Variants in PSPC1 observed in about 807,000 individuals in gnomAD.
The protein encoded by PSPC1 is paraspeckle component 1, also known as paraspeckle protein 1.
A neutral mutation model predicts 51.6 loss-of-function variants in PSPC1; 14 were observed. That is an observed-to-expected ratio of 0.27 (90% CI 0.18 to 0.42). The LOEUF (loss-of-function observed/expected upper bound fraction) is 0.42. Ranked by LOEUF, PSPC1 falls within the 10% of genes least tolerant of loss-of-function variation. The probability of loss-of-function intolerance (pLI) is 1.00; values close to 1 mark genes in which losing one functional copy is unlikely to be tolerated. For synonymous variants in PSPC1, 193 were observed against 231.9 expected, an observed-to-expected ratio of 0.83 and a Z score of 1.53; for missense variants, 406 against 701.1, an observed-to-expected ratio of 0.58 and a Z score of 4.75.
intron 6 of PSPC1, among the ~76,000 whole-genome samples, chr13:19,695,215 C>G (rs182227686): frequency 6.6e-6 from 1 of 152,170 alleles, no homozygotes; most frequent in Non-Finnish European, 1.5e-5. Context: ...TTTCAGCCAA[C>G]CTAGGGAATA....
chr13:19,758,957 T>TA (rs908599144), intron 3 of PSPC1, among the ~76,000 whole-genome samples: 12 of 151,666 alleles, frequency 7.9e-5, no homozygotes, highest in Non-Finnish European at 1.6e-4. Flanking sequence ...TAGACATTTC[T>TA]AAAAAAAATT....
chr13:19,673,047 C>CTTG (rs1876226969), downstream of PSPC1: 1 of 438,546 alleles, frequency 2.3e-6, no homozygotes, highest in Non-Finnish European at 4.5e-6. Flanking sequence ...AGAATGAGAC[C>CTTG]TTGTCTCAAA....
chr13:19,703,914 T>C (rs1378320111), intron 8 of PSPC1, among the ~76,000 whole-genome samples: 2 of 152,204 alleles, frequency 1.3e-5, no homozygotes, highest in Admixed American at 1.3e-4. Context: ...AAGATTATCA[T>C]GGGAAAATAG....
chr13:19,717,054 C>A (rs897479300), intron 6 of PSPC1, among the ~76,000 whole-genome samples: 2 of 150,126 alleles, frequency 1.3e-5, no homozygotes, highest in Non-Finnish European at 3.0e-5. Flanking sequence ...AGCAAGACTG[C>A]ATCTCAAAAA....
chr13:19,741,243 C>T (rs1018250420), intron 5 of PSPC1, among the ~76,000 whole-genome samples: 1 of 152,114 alleles, frequency 6.6e-6, no homozygotes, highest in Non-Finnish European at 1.5e-5. Context: ...GAGTTTTACA[C>T]ATAACAAAAT....
chr13:19,707,846 A>C (rs183183514), intron 7 of PSPC1, among the ~76,000 whole-genome samples: 1 of 152,270 alleles, frequency 6.6e-6, no homozygotes, highest in Non-Finnish European at 1.5e-5. Context: ...ACTGCCTATA[A>C]TCTACAATAA....
At chr13:19,689,299 T>C (rs1211391077) in intron 6 of PSPC1, among the ~76,000 whole-genome samples, 4 of 152,178 alleles carry the variant, frequency 2.6e-5, no homozygotes, top group African/African-American at 9.6e-5. Flanking sequence ...ATAACGAGGA[T>C]GCAAAATTAA....
At chr13:19,698,417 T>A (rs996090296), downstream of PSPC1, among the ~76,000 whole-genome samples, 5 of 151,982 alleles carry the variant, frequency 3.3e-5, no homozygotes, top group African/African-American at 1.2e-4. Flanking sequence ...TATATTACTA[T>A]CAACACAATG....
intron 5 of PSPC1, among the ~76,000 whole-genome samples, chr13:19,736,458 C>T (rs369562727): frequency 7.8e-4 from 118 of 152,034 alleles, no homozygotes; most frequent in East Asian, 1.6e-3. Flanking sequence ...CCGAGGCGGG[C>T]GGATCACAAG....
chr13:19,714,625 G>C, intron 6 of PSPC1, among the ~76,000 whole-genome samples: 1 of 151,208 alleles, frequency 6.6e-6, no homozygotes, highest in East Asian at 1.9e-4. Context: ...CTCAAGGGTA[G>C]CTGGAACTAT....
rs1593794020 is a variant in PSPC1, at chr13:19,778,992, T to G, written c.372+3394A>C. ...AGCGTCTCTGCCCGGCCGCCCATCG[T>G]CTGAGATGTGGGGAGCGCCTCTGCC... On this transcript the variant is annotated intron_variant, in intron 1 of 8. Transcript: ENST00000338910. Among the ~76,000 whole-genome samples, 4 of 138,694 alleles carry G rather than the reference T, an allele frequency of 2.9e-5. No homozygotes were observed. The East Asian group carries it at 9.2e-4, about 32-fold the overall frequency. 91.0% of individuals were successfully genotyped at this position (138,694 alleles called of 152,430 possible).
At chr13:19,739,807 A>G (rs1436956080) in intron 5 of PSPC1, among the ~76,000 whole-genome samples, 1 of 152,024 alleles carries the variant, frequency 6.6e-6, no homozygotes, top group East Asian at 1.9e-4. Context: ...AGGAAAAAAG[A>G]AAAGTTTTAA....
At chr13:19,686,590 GA>G (rs1877910726) in intron 6 of PSPC1, among the ~76,000 whole-genome samples, 1 of 152,196 alleles carries the variant, frequency 6.6e-6, no homozygotes, top group Non-Finnish European at 1.5e-5. Context: ...AGATGATACT[GA>G]GAAATTTACT....
At position 19,759,374 on chromosome 13, in the gene PSPC1, T is replaced by A. The variant is rs763164370; in HGVS notation, c.719A>T (p.Asp240Val). ...VIVEPMEQFD[D>V]EDGLPEKLMQ... ...CAGCTTCTCTGGCAAGCCATCTTCATCATCAAACTGCTCCATGGGTTCCAC... is the reference window on the plus strand; with the variant it reads ...CAGCTTCTCTGGCAAGCCATCTTCAACATCAAACTGCTCCATGGGTTCCAC... The change falls in exon 3 of 9, where the codon GAT becomes GTT. Residue 240 changes from aspartate to valine, a missense_variant. By Grantham distance (152) the Asp-to-Val change is radical. This residue lies in a region of PSPC1 where 180 missense variants were observed against 337.9 expected (regional missense o/e 0.53). Transcript: ENST00000338910. 1 of 1,614,166 alleles carries A rather than the reference T, an allele frequency of 6.2e-7. No homozygotes were observed. The highest frequency in any genetic ancestry group is 8.5e-7 in the Non-Finnish European group (1 of 1,180,026).
chr13:19,702,070 T>A (rs955740005), downstream of PSPC1, among the ~76,000 whole-genome samples: 1 of 150,822 alleles, frequency 6.6e-6, no homozygotes, highest in Non-Finnish European at 1.5e-5. Flanking sequence ...AATTATCTGC[T>A]TTTTAAAATC....
chr13:19,747,720 A>G (rs1403678979), intron 4 of PSPC1, among the ~76,000 whole-genome samples: 1 of 152,202 alleles, frequency 6.6e-6, no homozygotes, highest in Non-Finnish European at 1.5e-5. Flanking sequence ...TTCATTAAAG[A>G]ATACAAAAGA....
At chr13:19,707,541 C>T (rs1485717297) in intron 7 of PSPC1, among the ~76,000 whole-genome samples, 1 of 152,106 alleles carries the variant, frequency 6.6e-6, no homozygotes, top group African/African-American at 2.4e-5. Context: ...CTCTACAAAA[C>T]CATTATGATG....
chr13:19,722,341 A>G (rs1882869673), intron 6 of PSPC1, among the ~76,000 whole-genome samples: 1 of 151,882 alleles, frequency 6.6e-6, no homozygotes, highest in South Asian at 2.1e-4. Flanking sequence ...TACAAAAAAA[A>G]TGTTTTTAAT....
chr13:19,740,321 C>A (rs1279085744), intron 5 of PSPC1, among the ~76,000 whole-genome samples: 2 of 148,710 alleles, frequency 1.3e-5, no homozygotes, highest in African/African-American at 5.0e-5. Context: ...CCAGCCTGGG[C>A]AACAAGAGCG....
Sources: gnomAD v4.1 joint callset for allele counts (sites outside exome capture counted in the v4.1 genomes callset) on GRCh38, gnomAD v4.1.1 for gene constraint, gnomAD v4.1.1 regional missense constraint, MANE v1.5 for transcripts, NCBI Gene and HGNC (gene_info 2026-07-23, HGNC 2026-07-21) for gene names.